Variants in TRPC4 observed in about 807,000 individuals in gnomAD.
TRPC4 encodes the protein transient receptor potential cation channel subfamily C member 4, also known as short transient receptor potential channel 4.
In TRPC4, 49 loss-of-function variants were observed where a neutral mutation model predicts 99.4. The ratio of observed to expected loss-of-function variants is 0.49; its 90% CI spans 0.39 to 0.63. The LOEUF is 0.63. TRPC4 is among the 20% of genes least tolerant of loss of function. TRPC4 has a pLI of 0.00. For missense variants in TRPC4, 898 were observed against 1,152.9 expected, an observed-to-expected ratio of 0.78 and a Z score of 3.20; for synonymous variants, 454 against 425.9, an observed-to-expected ratio of 1.07 and a Z score of -0.81.
chr13:37,696,719 T>C (rs1388908689), intron 3 of TRPC4, among the ~76,000 whole-genome samples: 1 of 152,164 alleles, frequency 6.6e-6, no homozygotes, highest in Non-Finnish European at 1.5e-5. Context: ...GACCACAAAT[T>C]CATATACATA....
intron 4 of TRPC4, among the ~76,000 whole-genome samples, chr13:37,683,584 G>A (rs559491522): frequency 3.3e-5 from 5 of 152,074 alleles, no homozygotes; most frequent in Non-Finnish European, 5.9e-5. Context: ...AAGAACAGCC[G>A]TGCACCCCTC....
At chr13:37,869,295 C>T (rs1593354705) in intron 1 of TRPC4, among the ~76,000 whole-genome samples, 1 of 152,134 alleles carries the variant, frequency 6.6e-6, no homozygotes, top group African/African-American at 2.4e-5. Context: ...ATAAGTCACA[C>T]CGGGGGTTCA....
intron 3 of TRPC4, among the ~76,000 whole-genome samples, chr13:37,706,068 A>T (rs1954264762): frequency 6.6e-6 from 1 of 152,048 alleles, no homozygotes; most frequent in Admixed American, 6.6e-5. Flanking sequence ...CCTATCCCCT[A>T]TATCTCCAGC....
intron 1 of TRPC4, among the ~76,000 whole-genome samples, chr13:37,807,909 T>C (rs1171776125): frequency 6.6e-6 from 1 of 152,128 alleles, no homozygotes; most frequent in Non-Finnish European, 1.5e-5. Flanking sequence ...AGTGTGATTT[T>C]ACTTATTTTC....
At chr13:37,653,368 G>T (rs190032915) in intron 7 of TRPC4, among the ~76,000 whole-genome samples, 2 of 151,816 alleles carry the variant, frequency 1.3e-5, no homozygotes, top group African/African-American at 2.4e-5. Flanking sequence ...ATGGTTTACC[G>T]ATGGCTCTGA....
At chr13:37,678,667 C>A (rs187992489) in intron 4 of TRPC4, among the ~76,000 whole-genome samples, 1 of 152,108 alleles carries the variant, frequency 6.6e-6, no homozygotes, top group East Asian at 1.9e-4. Context: ...GGTGCATTCA[C>A]CCAAACATTT....
intron 1 of TRPC4, among the ~76,000 whole-genome samples, chr13:37,820,281 T>C (rs1957976215): frequency 6.6e-6 from 1 of 151,938 alleles, no homozygotes; most frequent in Non-Finnish European, 1.5e-5. Context: ...ATAACAAGTT[T>C]GGAAATTGAA....
In TRPC4 at chr13:37,736,971, G is replaced by A. The variant is rs530631365; in HGVS notation, c.897+8966C>T. On this transcript the variant is annotated intron_variant, in intron 3 of 10. Coordinates refer to ENST00000379705, the MANE Select transcript of TRPC4 (RefSeq NM_016179.4). Reference sequence around the variant, plus strand: ...TGGTCTCAAACTCCTGAACTCAAGCGATCTGCCTGCCTTGGCCTCCCAAAG... The same window carrying A: ...TGGTCTCAAACTCCTGAACTCAAGCAATCTGCCTGCCTTGGCCTCCCAAAG... 7.3e-5 allele frequency among the ~76,000 whole-genome samples: 11 copies of A among 149,734 alleles called. No homozygotes were observed. In the South Asian group the frequency reaches 1.5e-3, roughly 20 times the overall value.
At chr13:37,854,402 A>C (rs1403363375) in intron 1 of TRPC4, among the ~76,000 whole-genome samples, 3 of 152,158 alleles carry the variant, frequency 2.0e-5, no homozygotes, top group Non-Finnish European at 2.9e-5. Flanking sequence ...CATCAATACC[A>C]GACCTGTTCT....
At chr13:37,693,199 T>G (rs1486690882) in intron 3 of TRPC4, among the ~76,000 whole-genome samples, 2 of 152,126 alleles carry the variant, frequency 1.3e-5, no homozygotes, top group Non-Finnish European at 2.9e-5. Flanking sequence ...ATTGGGATTG[T>G]CAGTTAAGCA....
At chr13:37,855,251 CT>C (rs1375061181) in intron 1 of TRPC4, among the ~76,000 whole-genome samples, 1 of 148,612 alleles carries the variant, frequency 6.7e-6, no homozygotes, top group Non-Finnish European at 1.5e-5. Context: ...AAGAAGGTCA[CT>C]ATATAATATC....
chr13:37,701,529 C>T (rs1355751417), intron 3 of TRPC4, among the ~76,000 whole-genome samples: 1 of 151,976 alleles, frequency 6.6e-6, no homozygotes, highest in Non-Finnish European at 1.5e-5. Context: ...CCAGCATTTC[C>T]ACTTGCCACA....
chr13:37,795,856 C>A (rs372424750), intron 1 of TRPC4, among the ~76,000 whole-genome samples: 1 of 152,124 alleles, frequency 6.6e-6, no homozygotes, highest in Non-Finnish European at 1.5e-5. Flanking sequence ...AATATGAAAG[C>A]ACTATTCAAA....
rs536754359 is a variant in TRPC4, at chr13:37,634,613, C to A, written c.*2290G>T. On this transcript the variant is annotated 3_prime_UTR_variant, in exon 11 of 11. Transcript: ENST00000379705. ...TTGTACTGTTATTGGTGTTGCTTGA[C>A]GGAACAGAGAGAATTTGAAATTAAA... Among the ~76,000 whole-genome samples the A allele has an allele frequency of 6.6e-6, 1 of 151,834 alleles. No individual in the cohort carries two copies. Among genetic ancestry groups the A allele is most frequent in the Non-Finnish European group, 1.5e-5 (1 of 67,956 alleles).
chr13:37,777,748 T>C (rs1566163833), intron 2 of TRPC4, among the ~76,000 whole-genome samples: 2 of 152,000 alleles, frequency 1.3e-5, no homozygotes, highest in African/African-American at 4.8e-5. Context: ...TGATACCTTA[T>C]AAAAACACTT....
rs529528214 is a variant in TRPC4 at position 37,652,752 on chromosome 13, G to A, written c.1885-1293C>T. Among the ~76,000 whole-genome samples the A allele has an allele frequency of 2.7e-3, 3 of 1,118 alleles. No homozygotes were observed. The South Asian group carries it at 0.12, about 47-fold the overall frequency. 0.7% of individuals were successfully genotyped at this position (1,118 alleles called of 152,430 possible). A position where few individuals can be genotyped will look rare whatever the true frequency, so the allele number is the denominator to read the frequency against. On this transcript the variant is annotated intron_variant, in intron 7 of 10. Coordinates refer to ENST00000379705, the MANE Select transcript of TRPC4 (RefSeq NM_016179.4). ...CAGATTTGGCTCAAGGAAATAAAAA[G>A]GCAATCACTTAGATAAAGCATTGGC... is the stretch of plus-strand genomic sequence containing the variant.
At chr13:37,685,693 A>T (rs1171568228) in intron 4 of TRPC4, among the ~76,000 whole-genome samples, 2 of 151,656 alleles carry the variant, frequency 1.3e-5, no homozygotes, top group African/African-American at 2.4e-5. Context: ...AACCATCTAA[A>T]CCATGTTTTC....
At chr13:37,703,494 A>G (rs559502147) in intron 3 of TRPC4, among the ~76,000 whole-genome samples, 60 of 152,286 alleles carry the variant, frequency 3.9e-4, no homozygotes, top group African/African-American at 1.4e-3. Context: ...TGAGGAAACA[A>G]AAAACTCAAA....
chr13:37,697,745 T>C lies in TRPC4; in HGVS notation c.898-5410A>G, dbSNP rs116428809. 9.2e-3 allele frequency among the ~76,000 whole-genome samples: 1,401 copies of C among 152,312 alleles called. 34 individuals carry two copies. Among genetic ancestry groups the C allele is most frequent in the African/African-American group, 0.032 (1,346 of 41,566 alleles). On this transcript the variant is annotated intron_variant, in intron 3 of 10. Coordinates refer to ENST00000379705, the MANE Select transcript of TRPC4 (RefSeq NM_016179.4). ...ATATCAGGCCCCACTTCAAATCTGCTGAATAAAAATCTGCATAGCATGATT... is the reference window on the plus strand; with the variant it reads ...ATATCAGGCCCCACTTCAAATCTGCCGAATAAAAATCTGCATAGCATGATT...
Sources: gnomAD v4.1 joint callset for allele counts (sites outside exome capture counted in the v4.1 genomes callset) on GRCh38, gnomAD v4.1.1 for gene constraint, MANE v1.5 for transcripts, NCBI Gene and HGNC (gene_info 2026-07-23, HGNC 2026-07-21) for gene names.